NTM: variants seen among roughly 807,000 people sequenced by gnomAD.
NTM encodes the protein neurotrimin.
In NTM, 13 loss-of-function variants were observed where a neutral mutation model predicts 42.1. The ratio of observed to expected loss-of-function variants is 0.31; its 90% CI spans 0.20 to 0.49. NTM has a LOEUF of 0.49. NTM is among the 20% of genes least tolerant of loss of function. The pLI is 0.99. For synonymous variants in NTM, 187 were observed against 179.2 expected (o/e 1.04, Z -0.35); for missense variants, 373 against 452.8 (o/e 0.82, Z 1.60).
At chr11:132,084,653 A>G (rs773068626) in intron 2 of NTM, among the ~76,000 whole-genome samples, 5 of 152,236 alleles carry the variant, frequency 3.3e-5, no homozygotes, top group Non-Finnish European at 7.3e-5. Flanking sequence ...TGCCAAAGTG[A>G]TAACTTGAAA....
intron 4 of NTM, among the ~76,000 whole-genome samples, chr11:132,292,970 T>C (rs2094499876): frequency 6.6e-6 from 1 of 151,848 alleles, no homozygotes; most frequent in African/African-American, 2.4e-5. Flanking sequence ...CTGACAAGTT[T>C]TAGGTGTGAA....
chr11:131,684,210 G>A (rs1171685907), intron 1 of NTM, among the ~76,000 whole-genome samples: 1 of 152,134 alleles, frequency 6.6e-6, no homozygotes, highest in Non-Finnish European at 1.5e-5. Context: ...AGCAACGTGG[G>A]GTGAGCAGCC....
At chr11:131,381,309 A>C (rs1942649046) in intron 1 of NTM, among the ~76,000 whole-genome samples, 1 of 152,214 alleles carries the variant, frequency 6.6e-6, no homozygotes, top group Admixed American at 6.5e-5. Flanking sequence ...AAAGCTGTCC[A>C]CTAGAGTACT....
In NTM at chr11:131,656,478, C is replaced by T. The variant is rs189770565; in HGVS notation, c.83-255086C>T. The stretch of plus-strand genomic sequence containing the variant: ...GTGAATAACTGCAGGCATTGGGAAC[C>T]ATCCTCCCAACCACATGGATAGACT... On this transcript the variant is annotated intron_variant, in intron 1 of 8. Transcript: ENST00000683400. 1.0e-3 allele frequency among the ~76,000 whole-genome samples: 152 copies of T among 152,366 alleles called. 2 individuals carry two copies. Among genetic ancestry groups the T allele is most frequent in the Admixed American group, 1.6e-3 (24 of 15,306 alleles).
At chr11:131,919,421 A>G (rs2056901948) in intron 2 of NTM, among the ~76,000 whole-genome samples, 1 of 152,324 alleles carries the variant, frequency 6.6e-6, no homozygotes, top group Admixed American at 6.5e-5. Flanking sequence ...TTCAAATTGC[A>G]TGTGTGAGCT....
chr11:132,273,278 T>C (rs2093567912), intron 4 of NTM, among the ~76,000 whole-genome samples: 1 of 151,402 alleles, frequency 6.6e-6, no homozygotes, highest in African/African-American at 2.4e-5. Flanking sequence ...GCGTAATCAT[T>C]TTTATTTGTT....
chr11:131,546,403 C>G (rs933426535), intron 1 of NTM, among the ~76,000 whole-genome samples: 17 of 152,192 alleles, frequency 1.1e-4, no homozygotes, highest in African/African-American at 4.1e-4. Flanking sequence ...TGTCCTGTTT[C>G]CCTGGCATCC....
intron 2 of NTM, among the ~76,000 whole-genome samples, chr11:131,989,414 A>T (rs2066626702): frequency 6.6e-6 from 1 of 152,180 alleles, no homozygotes; most frequent in South Asian, 2.1e-4. Flanking sequence ...TTACGATGTG[A>T]TATTGCGGTA....
At chr11:132,277,394 T>C (rs2093769324) in intron 4 of NTM, among the ~76,000 whole-genome samples, 1 of 152,142 alleles carries the variant, frequency 6.6e-6, no homozygotes, top group Admixed American at 6.5e-5. Context: ...TGACCAAGGA[T>C]TGTAGGAGAA....
intron 1 of NTM, among the ~76,000 whole-genome samples, chr11:131,723,971 C>A (rs1185461571): frequency 6.6e-6 from 1 of 152,208 alleles, no homozygotes; most frequent in African/African-American, 2.4e-5. Context: ...ATAAAGAATT[C>A]ATGGTCATGT....
intron 1 of NTM, among the ~76,000 whole-genome samples, chr11:131,634,062 C>T (rs189199141): frequency 1.3e-5 from 2 of 152,254 alleles, no homozygotes; most frequent in African/African-American, 4.8e-5. Flanking sequence ...CCCTTGTGAG[C>T]TGTTCTGAGT....
At chr11:132,213,211 C>T (rs114629739) in intron 4 of NTM, among the ~76,000 whole-genome samples, 1 of 152,140 alleles carries the variant, frequency 6.6e-6, no homozygotes, top group African/African-American at 2.4e-5. Flanking sequence ...GCATGAAAGA[C>T]GCATATTAGG....
At chr11:132,088,514 C>T (rs2060011794) in intron 2 of NTM, among the ~76,000 whole-genome samples, 1 of 151,840 alleles carries the variant, frequency 6.6e-6, no homozygotes, top group East Asian at 1.9e-4. Context: ...AAGCTGTCAA[C>T]AAAAAAAGGG....
intron 1 of NTM, among the ~76,000 whole-genome samples, chr11:131,655,805 A>G (rs2067112910): frequency 6.6e-6 from 1 of 152,240 alleles, no homozygotes; most frequent in African/African-American, 2.4e-5. Context: ...CAATGAAGGG[A>G]AAGTAAAAGT....
intron 4 of NTM, among the ~76,000 whole-genome samples, chr11:132,225,474 G>A (rs1270243070): frequency 6.6e-6 from 1 of 152,106 alleles, no homozygotes; most frequent in Non-Finnish European, 1.5e-5. Context: ...AGAGGTAACT[G>A]CAAATCCAAG....
intron 2 of NTM, among the ~76,000 whole-genome samples, chr11:132,092,559 C>A (rs1225190371): frequency 6.6e-6 from 1 of 152,190 alleles, no homozygotes; most frequent in Non-Finnish European, 1.5e-5. Flanking sequence ...ACAGTAACAG[C>A]AGTATTGGTG....
intron 4 of NTM, among the ~76,000 whole-genome samples, chr11:132,228,820 G>A (rs2086854353): frequency 6.6e-6 from 1 of 152,064 alleles, no homozygotes; most frequent in Admixed American, 6.5e-5. Flanking sequence ...GGTCACTCAG[G>A]TGTTGTCATG....
intron 1 of NTM, among the ~76,000 whole-genome samples, chr11:131,519,973 G>A (rs1161139707): frequency 6.6e-6 from 1 of 150,386 alleles, no homozygotes; most frequent in African/African-American, 2.5e-5. Flanking sequence ...CTGCTTGTTA[G>A]GGAGCTGTGG....
At chr11:132,099,508 T>G (rs563538920) in intron 2 of NTM, among the ~76,000 whole-genome samples, 4 of 152,282 alleles carry the variant, frequency 2.6e-5, no homozygotes, top group Non-Finnish European at 5.9e-5. Flanking sequence ...AAAACAGTGA[T>G]GTAGTCTAAT....
Sources: gnomAD v4.1 joint callset for allele counts (sites outside exome capture counted in the v4.1 genomes callset) on GRCh38, gnomAD v4.1.1 for gene constraint, MANE v1.5 for transcripts, NCBI Gene and HGNC (gene_info 2026-07-23, HGNC 2026-07-21) for gene names.